Variants in ACVR2A observed in about 807,000 individuals in gnomAD.
The protein encoded by ACVR2A is activin A receptor type 2A.
A neutral mutation model predicts 61.4 loss-of-function variants in ACVR2A; 7 were observed. The observed-to-expected ratio is 0.11, with a 90% CI of 0.06 to 0.21. ACVR2A has a LOEUF of 0.21. ACVR2A is among the 10% of genes least tolerant of loss of function. The pLI, the probability that ACVR2A is intolerant of heterozygous loss-of-function variation, is 1.00. For synonymous variants in ACVR2A, 193 were observed against 208.3 expected (o/e 0.93, Z 0.63); for missense variants, 322 against 621.7 (o/e 0.52, Z 5.13).
chr2:147,888,965 TTGAG>T (rs1044614434), intron 1 of ACVR2A, among the ~76,000 whole-genome samples: 43 of 152,280 alleles, frequency 2.8e-4, no homozygotes, highest in African/African-American at 1.0e-3. Context: ...TTTTATGACA[TTGAG>T]TAAGTTCCCT....
intron 1 of ACVR2A, among the ~76,000 whole-genome samples, chr2:147,885,666 C>G (rs1229615758): frequency 2.0e-5 from 3 of 152,054 alleles, no homozygotes; most frequent in Non-Finnish European, 2.9e-5. Context: ...CTCAGAACAA[C>G]TTAAATGGAA....
chr2:147,914,712 T>C (rs1687208002), intron 4 of ACVR2A, among the ~76,000 whole-genome samples: 3 of 152,014 alleles, frequency 2.0e-5, no homozygotes. Context: ...CCGGTATCTC[T>C]GAGATTAATG....
At chr2:147,857,897 G>A (rs1336137042) in intron 1 of ACVR2A, among the ~76,000 whole-genome samples, 1 of 152,074 alleles carries the variant, frequency 6.6e-6, no homozygotes, top group Non-Finnish European at 1.5e-5. Context: ...TTGTGTCATG[G>A]GGGTTTGTTT....
intron 5 of ACVR2A, 145 bp downstream of exon 5, chr2:147,915,479 G>A (rs1687227261): frequency 1.2e-6 from 1 of 815,920 alleles, no homozygotes; most frequent in Admixed American, 3.0e-5. Context: ...TTTAATGCCT[G>A]CCTTTGCATC....
At chr2:147,844,821 A>C, upstream of ACVR2A, 1 of 205,768 alleles carries the variant, frequency 4.9e-6, no homozygotes. Context: ...GAGAGACGGG[A>C]GAGGCGAGCG....
At chr2:147,863,248 C>G (rs1430776428) in intron 1 of ACVR2A, among the ~76,000 whole-genome samples, 1 of 152,188 alleles carries the variant, frequency 6.6e-6, no homozygotes, top group Admixed American at 6.5e-5. Context: ...GCCAGCACCC[C>G]TTGAAACCTA....
Position 147,869,425 on chromosome 2 carries a change from C to A in ACVR2A, c.55+24218C>A, listed in dbSNP as rs143475097. Among the ~76,000 whole-genome samples, 86 of 152,142 alleles carry A rather than the reference C, an allele frequency of 5.7e-4. 1 individual carries two copies. In the East Asian group the frequency reaches 6.4e-3, roughly 11 times the overall value. ...TGCAAGACCCTCGCAGTTGTGTTTG[C>A]GTGTGTTTAAATGTGGTGTTGTCAA... On this transcript the variant is annotated intron_variant, in intron 1 of 10. Transcript: ENST00000241416.
At chr2:147,916,403 T>C (rs1002780721) in intron 5 of ACVR2A, among the ~76,000 whole-genome samples, 12 of 151,978 alleles carry the variant, frequency 7.9e-5, no homozygotes, top group African/African-American at 2.9e-4. Flanking sequence ...TGTATGCTTT[T>C]ATTGGGTCAG....
At chr2:147,881,736 C>A (rs778843938) in intron 1 of ACVR2A, among the ~76,000 whole-genome samples, 18 of 144,734 alleles carry the variant, frequency 1.2e-4, no homozygotes, top group Non-Finnish European at 2.1e-4. Context: ...AAAATTTATT[C>A]TTTTTTCATA....
At chr2:147,923,459 T>C (rs1687433884) in intron 9 of ACVR2A, among the ~76,000 whole-genome samples, 1 of 152,120 alleles carries the variant, frequency 6.6e-6, no homozygotes, top group African/African-American at 2.4e-5. Flanking sequence ...TGGTGAATGA[T>C]GAAACCTAGA....
intron 1 of ACVR2A, among the ~76,000 whole-genome samples, chr2:147,846,161 G>T (rs756913353): frequency 6.6e-6 from 1 of 152,162 alleles, no homozygotes; most frequent in Non-Finnish European, 1.5e-5. Context: ...AAGGTGTGCA[G>T]ATGTACATAA....
rs772972639 is a variant in ACVR2A, at chr2:147,927,660, T to C, written c.*386T>C. 1.9e-5 allele frequency: 3 copies of C among 157,490 alleles called. No individual in the cohort carries two copies. The highest frequency in any genetic ancestry group is 6.5e-5 in the Admixed American group (1 of 15,344). 9.8% of individuals were successfully genotyped at this position (157,490 alleles called of 1,614,324 possible). A position where few individuals can be genotyped will look rare whatever the true frequency, so the allele number is the denominator to read the frequency against. ...ATGAACTACTGCTATTTTTTTTAAA[T>C]CAAAAACTTTTCATTTCAGATTTTA... On this transcript the variant is annotated 3_prime_UTR_variant, in exon 11 of 11. Transcript: ENST00000241416.
intron 1 of ACVR2A, among the ~76,000 whole-genome samples, chr2:147,847,121 A>G (rs1160607429): frequency 6.6e-6 from 1 of 152,060 alleles, no homozygotes; most frequent in African/African-American, 2.4e-5. Flanking sequence ...AATAGCTATA[A>G]TTTTGAAATA....
At chr2:147,854,668 A>G (rs560953608) in intron 1 of ACVR2A, among the ~76,000 whole-genome samples, 2 of 152,342 alleles carry the variant, frequency 1.3e-5, no homozygotes, top group South Asian at 4.1e-4. Flanking sequence ...ATATTGAACT[A>G]CATGCTAGAC....
chr2:147,864,361 C>T (rs573680304), intron 1 of ACVR2A, among the ~76,000 whole-genome samples: 38 of 152,192 alleles, frequency 2.5e-4, no homozygotes, highest in Admixed American at 2.2e-3. Flanking sequence ...TCCTAAGTAG[C>T]TGGGATTACA....
At chr2:147,876,823 T>C (rs1417365616) in intron 1 of ACVR2A, among the ~76,000 whole-genome samples, 1 of 152,194 alleles carries the variant, frequency 6.6e-6, no homozygotes, top group African/African-American at 2.4e-5. Flanking sequence ...TGGTGACCCC[T>C]GACTCATCTG....
chr2:147,856,820 A>G (rs935438368), intron 1 of ACVR2A, among the ~76,000 whole-genome samples: 1 of 152,180 alleles, frequency 6.6e-6, no homozygotes, highest in African/African-American at 2.4e-5. Context: ...TTTTAATTCT[A>G]TATTATATAA....
chr2:147,848,847 C>T (rs1249084634), intron 1 of ACVR2A, among the ~76,000 whole-genome samples: 1 of 152,018 alleles, frequency 6.6e-6, no homozygotes, highest in African/African-American at 2.4e-5. Context: ...GTTCTAAACT[C>T]TTAAATTTTA....
At position 147,899,726 on chromosome 2, in the gene ACVR2A, T is replaced by TC. The variant is rs756662889; in HGVS notation, c.374-11dup. On this transcript the variant is annotated splice_polypyrimidine_tract_variant and intron_variant, in intron 3 of 10. Coordinates refer to ENST00000241416, the MANE Select transcript of ACVR2A (RefSeq NM_001616.5). The stretch of plus-strand genomic sequence containing the variant: ...TTGTAGACCAAATCTGAGTTATTTT[T>TC]CCCCCCCTTTTCCACAGCCACTTCA... 9.9e-6 allele frequency: 16 copies of TC among 1,610,348 alleles called. No homozygotes were observed. The Middle Eastern group carries it at 6.6e-4, about 67-fold the overall frequency.
Sources: gnomAD v4.1 joint callset for allele counts (sites outside exome capture counted in the v4.1 genomes callset) on GRCh38, gnomAD v4.1.1 for gene constraint, MANE v1.5 for transcripts, NCBI Gene and HGNC (gene_info 2026-07-23, HGNC 2026-07-21) for gene names.